The following CCDC57 variants were observed in gnomAD, a reference collection of about 807,000 sequenced individuals.
CCDC57 encodes the protein coiled-coil domain containing 57.
In CCDC57, 118 loss-of-function variants were observed where a neutral mutation model predicts 118.9. The ratio of observed to expected loss-of-function variants is 0.99; its 90% CI spans 0.86 to 1.16. The LOEUF is 1.16. Among genes scored for constraint, CCDC57 ranks in the 50% most tolerant of loss-of-function variants. The probability of loss-of-function intolerance (pLI) is 0.00; values close to 1 mark genes in which losing one functional copy is unlikely to be tolerated. For synonymous variants in CCDC57, 527 were observed against 532.9 expected (o/e 0.99, Z 0.15); for missense variants, 1,300 against 1,320.7 (o/e 0.98, Z 0.24).
chr17:82,103,356 C>A (rs953614588), intron 19 of CCDC57, among the ~76,000 whole-genome samples: 3 of 152,126 alleles, frequency 2.0e-5, no homozygotes, highest in Non-Finnish European at 4.4e-5. Flanking sequence ...CTGCCTGCTC[C>A]CTTTGTTTCC....
At chr17:82,190,007 T>C (rs1287366224) in intron 7 of CCDC57, among the ~76,000 whole-genome samples, 1 of 151,516 alleles carries the variant, frequency 6.6e-6, no homozygotes, top group Non-Finnish European at 1.5e-5. Context: ...TGAAACTCTG[T>C]CTCAAATTAA....
At chr17:82,191,829 G>A (rs1214375339) in intron 7 of CCDC57, among the ~76,000 whole-genome samples, 1 of 151,896 alleles carries the variant, frequency 6.6e-6, no homozygotes, top group Non-Finnish European at 1.5e-5. Context: ...GTCACACCTG[G>A]CTAATTTTTT....
intron 16 of CCDC57, among the ~76,000 whole-genome samples, chr17:82,140,466 C>T (rs1186460187): frequency 6.6e-6 from 1 of 152,218 alleles, no homozygotes; most frequent in African/African-American, 2.4e-5. Context: ...GCTGATCCAT[C>T]GGCCTCAGCC....
In CCDC57 at chr17:82,192,617, C is replaced by T. The variant is rs553952324; in HGVS notation, c.851+1139G>A. On this transcript the variant is annotated intron_variant, in intron 7 of 19. Transcript: ENST00000665763. This position sits in a 1 kb window ranked among gnomAD's most constrained non-coding sequence, Gnocchi z 4.0. The stretch of plus-strand genomic sequence containing the variant: ...CAGTCCTGCACCACTGCCATCTGCA[C>T]TGTGTCTGTTTGGGCTCGACTGCCT... Among the ~76,000 whole-genome samples the T allele has an allele frequency of 6.6e-6, 1 of 152,238 alleles. No homozygotes were observed. Among genetic ancestry groups the T allele is most frequent in the Non-Finnish European group, 1.5e-5 (1 of 68,030 alleles).
At chr17:82,179,155 C>T (rs371476597) in exon 10 of CCDC57, 2 of 1,613,970 alleles carry the variant, frequency 1.2e-6, no homozygotes, top group Non-Finnish European at 8.5e-7. Flanking sequence ...AGGCTCCGCT[C>T]CCTTTCCACT....
At chr17:82,132,212 A>G (rs2038501664) in intron 17 of CCDC57, among the ~76,000 whole-genome samples, 1 of 152,126 alleles carries the variant, frequency 6.6e-6, no homozygotes, top group Non-Finnish European at 1.5e-5. Context: ...TCTAACAGAT[A>G]TTAAAATAGG....
chr17:82,162,337 T>C (rs1465856244), intron 14 of CCDC57, among the ~76,000 whole-genome samples: 2 of 152,006 alleles, frequency 1.3e-5, no homozygotes, highest in Non-Finnish European at 2.9e-5. Flanking sequence ...GCCAAAACGA[T>C]GTTAGGAATA....
intron 11 of CCDC57, among the ~76,000 whole-genome samples, chr17:82,173,590 G>A (rs1298800324): frequency 6.6e-6 from 1 of 152,160 alleles, no homozygotes; most frequent in Admixed American, 6.5e-5. Flanking sequence ...AAGCAAATGA[G>A]CTGAAAGCCG....
rs55713414 is a variant in CCDC57, at chr17:82,199,477, C to CAAAAAAAAAAAAA, written c.408-1068_408-1056dup. ...TGGGCGACAGAGCAAGACTCTGTCT[C>CAAAAAAAAAAAAA]AAAAAAAAAAAAAGAGTGTGAGACT... On this transcript the variant is annotated intron_variant, in intron 3 of 19. Coordinates refer to ENST00000665763, the Ensembl canonical transcript of CCDC57. 3.2e-4 allele frequency among the ~76,000 whole-genome samples: 28 copies of CAAAAAAAAAAAAA among 87,698 alleles called. 2 individuals are homozygous for CAAAAAAAAAAAAA. The highest frequency in any genetic ancestry group is 6.3e-4 in the African/African-American group (14 of 22,366). The allele number at this position is 87,698 out of a possible 152,430, so 57.5% of individuals were successfully genotyped here.
Position 82,134,312 on chromosome 17 carries a change from C to T in CCDC57, c.2456-118G>A, listed in dbSNP as rs867572400. On this transcript the variant is annotated intron_variant, in intron 16 of 19. Coordinates refer to ENST00000665763, the Ensembl canonical transcript of CCDC57. ...TCCTTTTCAAAACCAAAGTAACTTC[C>T]ATTACATCGAGAACTTGGGGAGGGC... The T allele has an allele frequency of 3.0e-5, 31 of 1,042,390 alleles. No individual in the cohort carries two copies. In the Middle Eastern group the frequency reaches 9.2e-4, roughly 31 times the overall value. 64.6% of individuals were successfully genotyped at this position (1,042,390 alleles called of 1,614,324 possible).
At chr17:82,152,517 G>T (rs1256704483) in intron 15 of CCDC57, among the ~76,000 whole-genome samples, 1 of 152,246 alleles carries the variant, frequency 6.6e-6, no homozygotes, top group Admixed American at 6.5e-5. Context: ...TCCTCACTCA[G>T]CCCAACCTGG....
Position 82,177,102 on chromosome 17 carries a change from G to A in CCDC57, c.1506+1372C>T, listed in dbSNP as rs7216859. ...CTCTACTAAAAATACAAAATTAGCC[G>A]GGCGTGGTGGCTCATGCCTGTAATC... On this transcript the variant is annotated intron_variant, in intron 11 of 19. Coordinates refer to ENST00000665763, the Ensembl canonical transcript of CCDC57. Among the ~76,000 whole-genome samples the A allele has an allele frequency of 5.4e-3, 821 of 152,120 alleles. 6 individuals carry two copies. Among genetic ancestry groups the A allele is most frequent in the African/African-American group, 0.019 (772 of 41,492 alleles).
At chr17:82,178,427 C>T (rs2146382973) in intron 11 of CCDC57, 47 bp downstream of exon 10, 1 of 1,544,582 alleles carries the variant, frequency 6.5e-7, no homozygotes. Flanking sequence ...TATTTTCCCA[C>T]CGCTGCTGTT....
At chr17:82,193,713 G>A (rs760628673) in intron 7 of CCDC57, 43 bp downstream of exon 6, 1 of 1,533,628 alleles carries the variant, frequency 6.5e-7, no homozygotes, top group Non-Finnish European at 8.9e-7. Context: ...CCTCTCCTGG[G>A]GCCACTGACA....
rs796375445 is a variant in CCDC57 at position 82,150,367 on chromosome 17, T to A, written c.2455+1193A>T. On this transcript the variant is annotated intron_variant, in intron 16 of 19. Coordinates refer to ENST00000665763, the Ensembl canonical transcript of CCDC57. ...CAGAACCAGGCGCACACCCAGAACCTGGTGCACACCCAGAACCAGGCGCAC... is the reference window on the plus strand; with the variant it reads ...CAGAACCAGGCGCACACCCAGAACCAGGTGCACACCCAGAACCAGGCGCAC... Among the ~76,000 whole-genome samples, 27 of 49,106 alleles carry A rather than the reference T, an allele frequency of 5.5e-4. No individual in the cohort carries two copies. The East Asian group carries it at 6.7e-3, about 12-fold the overall frequency. 32.2% of individuals were successfully genotyped at this position (49,106 alleles called of 152,430 possible).
chr17:82,188,254 A>C, exon 8 of CCDC57: 1 of 1,563,650 alleles, frequency 6.4e-7, no homozygotes, highest in Non-Finnish European at 8.6e-7. Context: ...TGGCGGTGTC[A>C]GCCTGTCTCC....
At chr17:82,196,501 G>T (rs777464778) in intron 4 of CCDC57, among the ~76,000 whole-genome samples, 2 of 152,142 alleles carry the variant, frequency 1.3e-5, no homozygotes, top group Non-Finnish European at 2.9e-5. Context: ...TGACGTGAGC[G>T]TGGCCTCCTT....
At chr17:82,174,871 G>A (rs2045267764) in intron 11 of CCDC57, among the ~76,000 whole-genome samples, 1 of 152,192 alleles carries the variant, frequency 6.6e-6, no homozygotes, top group Non-Finnish European at 1.5e-5. Flanking sequence ...AGGTATACAA[G>A]TTAATCAAGC....
chr17:82,148,608 A>G, intron 16 of CCDC57, among the ~76,000 whole-genome samples: 1 of 61,314 alleles, frequency 1.6e-5, no homozygotes. Flanking sequence ...GGATAGATGG[A>G]TGGGTGGGTG....
Sources: gnomAD v4.1 joint callset for allele counts (sites outside exome capture counted in the v4.1 genomes callset) on GRCh38, gnomAD v4.1.1 for gene constraint, Gnocchi (gnomAD v3.1) non-coding constraint, MANE v1.5 for transcripts, NCBI Gene and HGNC (gene_info 2026-07-23, HGNC 2026-07-21) for gene names.